Variants in CEP85L observed in about 807,000 individuals in gnomAD.
CEP85L encodes centrosomal protein of 85 kDa-like.
A neutral mutation model predicts 100.3 loss-of-function variants in CEP85L; 60 were observed. The ratio of observed to expected loss-of-function variants is 0.60; its 90% CI spans 0.49 to 0.74. The LOEUF (loss-of-function observed/expected upper bound fraction) is 0.74. Ranked by LOEUF, CEP85L falls within the 30% of genes least tolerant of loss-of-function variation. CEP85L has a pLI of 0.00. For synonymous variants in CEP85L, 319 were observed against 322.7 expected (o/e 0.99, Z 0.12); for missense variants, 973 against 936.2 (o/e 1.04, Z -0.51).
chr6:118,666,714 T>C (rs1776143837), intron 1 of CEP85L, among the ~76,000 whole-genome samples: 1 of 152,060 alleles, frequency 6.6e-6, no homozygotes, highest in South Asian at 2.1e-4. Flanking sequence ...CCTGACATTC[T>C]TTCAGTGGCT....
chr6:118,605,621 G>A (rs1345813320), intron 2 of CEP85L, among the ~76,000 whole-genome samples: 1 of 152,142 alleles, frequency 6.6e-6, no homozygotes, highest in Non-Finnish European at 1.5e-5. Flanking sequence ...GGAAAAGAGG[G>A]TTTTTTCCCT....
intron 4 of CEP85L, among the ~76,000 whole-genome samples, chr6:118,514,901 C>T (rs1776181933): frequency 2.0e-5 from 3 of 151,722 alleles, no homozygotes; most frequent in Non-Finnish European, 4.4e-5. Flanking sequence ...AACTCTTGGG[C>T]TCAAGCCATC....
At chr6:118,556,198 T>C (rs1778865617) in intron 3 of CEP85L, among the ~76,000 whole-genome samples, 1 of 152,256 alleles carries the variant, frequency 6.6e-6, no homozygotes, top group Non-Finnish European at 1.5e-5. Context: ...ATGGTAGTTC[T>C]GCTTTTATAA....
chr6:118,643,697 G>C (rs967932236), intron 1 of CEP85L, among the ~76,000 whole-genome samples: 2 of 152,116 alleles, frequency 1.3e-5, no homozygotes, highest in African/African-American at 2.4e-5. Flanking sequence ...AAAAACAAAA[G>C]TAGGGGTAGA....
chr6:118,502,322 T>C (rs542259816), intron 5 of CEP85L: 2 of 516,672 alleles, frequency 3.9e-6, no homozygotes, highest in Non-Finnish European at 7.2e-6. Flanking sequence ...TTCCAAGCAA[T>C]TTCAGCAACC....
intron 1 of CEP85L, among the ~76,000 whole-genome samples, chr6:118,675,411 G>C (rs1177211560): frequency 6.6e-6 from 1 of 151,948 alleles, no homozygotes; most frequent in Non-Finnish European, 1.5e-5. Context: ...TCTGAAATTA[G>C]ATAATGTTGA....
chr6:118,533,231 T>C (rs1394890475), intron 3 of CEP85L, among the ~76,000 whole-genome samples: 2 of 151,894 alleles, frequency 1.3e-5, no homozygotes, highest in African/African-American at 4.8e-5. Context: ...TTATAAACCA[T>C]TACCTAGACT....
At chr6:118,628,546 A>T (rs1280881811) in intron 2 of CEP85L, among the ~76,000 whole-genome samples, 1 of 150,456 alleles carries the variant, frequency 6.6e-6, no homozygotes, top group Admixed American at 6.7e-5. Context: ...TATTTAATTA[A>T]AAAAAAAAGG....
At chr6:118,509,369 C>G (rs1490557909) in intron 5 of CEP85L, among the ~76,000 whole-genome samples, 1 of 152,084 alleles carries the variant, frequency 6.6e-6, no homozygotes, top group Non-Finnish European at 1.5e-5. Context: ...AGATACACTA[C>G]TTCCATAGTA....
At chr6:118,682,688 ATAATAT>A (rs1776704623) in intron 1 of CEP85L, among the ~76,000 whole-genome samples, 1 of 150,886 alleles carries the variant, frequency 6.6e-6, no homozygotes, top group South Asian at 2.1e-4. Context: ...GAAGCTTCAA[ATAATAT>A]TATGCCCTAA....
chr6:118,492,528 T>C (rs1054256313), intron 5 of CEP85L, among the ~76,000 whole-genome samples: 2 of 152,092 alleles, frequency 1.3e-5, no homozygotes, highest in Non-Finnish European at 2.9e-5. Context: ...GGGGAAGATA[T>C]TCCCTCTCCC....
At chr6:118,682,430 G>C (rs1227676208) in intron 1 of CEP85L, among the ~76,000 whole-genome samples, 2 of 151,694 alleles carry the variant, frequency 1.3e-5, no homozygotes, top group Non-Finnish European at 2.9e-5. Flanking sequence ...GTTATGTTTT[G>C]GTACTTTATT....
At chr6:118,601,421 A>G (rs1781782784) in intron 2 of CEP85L, among the ~76,000 whole-genome samples, 1 of 152,172 alleles carries the variant, frequency 6.6e-6, no homozygotes, top group Admixed American at 6.5e-5. Flanking sequence ...CTTCACTGTG[A>G]CTGAGTTTGA....
At chr6:118,475,210 G>C (rs975880748) in intron 10 of CEP85L, among the ~76,000 whole-genome samples, 3 of 152,100 alleles carry the variant, frequency 2.0e-5, no homozygotes, top group Non-Finnish European at 2.9e-5. Context: ...GCTTAGGGAA[G>C]TGACAAAAAT....
At chr6:118,485,209 A>C (rs2114561087) in intron 6 of CEP85L, among the ~76,000 whole-genome samples, 1 of 152,320 alleles carries the variant, frequency 6.6e-6, no homozygotes, top group East Asian at 1.9e-4. Context: ...TCTTCCAACC[A>C]TTTAATCCTC....
intron 2 of CEP85L, among the ~76,000 whole-genome samples, chr6:118,618,341 T>C (rs765791024): frequency 1.1e-4 from 17 of 152,236 alleles, no homozygotes; most frequent in Non-Finnish European, 2.1e-4. Flanking sequence ...CAGAAGTTCC[T>C]TGTTGATGGT....
Position 118,565,827 on chromosome 6 carries a change from C to G in CEP85L, c.722G>C (p.Arg241Thr). ...KFESCSKEDF[R>T]ASSSTLRRQP... ...TCTCCTAAGAGTAGAGGAAGAGGCT[C>G]TAAAGTCCTCCTTGCTACAGCTCTC... Residue 241 changes from arginine (R) to threonine (T), a missense_variant, in exon 3 of 13, where the codon AGA becomes ACA. Physicochemically the swap from Arg to Thr is moderately conservative, Grantham distance 71. Around this residue, in one of 3 missense-constraint regions of CEP85L, gnomAD observed 890 missense variants for 844.5 expected, o/e 1.05. Coordinates refer to ENST00000368491, the MANE Select transcript of CEP85L (RefSeq NM_001042475.3). The G allele has an allele frequency of 6.2e-7, 1 of 1,614,064 alleles. No homozygotes were observed. The highest frequency in any genetic ancestry group is 8.5e-7 in the Non-Finnish European group (1 of 1,180,014).
At chr6:118,480,257 A>G (rs2114518274) in intron 9 of CEP85L, 139 bp downstream of exon 9, 1 of 510,560 alleles carries the variant, frequency 2.0e-6, no homozygotes, top group South Asian at 4.2e-5. Context: ...TTCAAATAAA[A>G]ACATTCAAAC....
intron 1 of CEP85L, among the ~76,000 whole-genome samples, chr6:118,685,976 A>C (rs536412247): frequency 2.0e-5 from 3 of 152,300 alleles, no homozygotes; most frequent in African/African-American, 7.2e-5. Context: ...AATGCTTGGA[A>C]TGTGTATGAT....
Sources: gnomAD v4.1 joint callset for allele counts (sites outside exome capture counted in the v4.1 genomes callset) on GRCh38, gnomAD v4.1.1 for gene constraint, gnomAD v4.1.1 regional missense constraint, MANE v1.5 for transcripts, NCBI Gene and HGNC (gene_info 2026-07-23, HGNC 2026-07-21) for gene names.